The following PHF20L1 variants were observed in gnomAD, a reference collection of about 807,000 sequenced individuals.
The protein encoded by PHF20L1 is PHD finger protein 20-like protein 1.
Under a neutral mutation model 125.5 loss-of-function variants are expected in PHF20L1, and 44 were observed. That is an observed-to-expected ratio of 0.35 (90% CI 0.28 to 0.45). PHF20L1 has a LOEUF of 0.45. Among genes scored for constraint, PHF20L1 ranks in the 20% least tolerant of loss-of-function variants. PHF20L1 has a pLI of 1.00. For missense variants in PHF20L1, 1,012 were observed against 1,217.2 expected, an observed-to-expected ratio of 0.83 and a Z score of 2.51; for synonymous variants, 380 against 403.1, an observed-to-expected ratio of 0.94 and a Z score of 0.69.
intron 12 of PHF20L1, chr8:132,818,442 G>A (rs1238315830): frequency 6.6e-6 from 1 of 151,834 alleles, no homozygotes; most frequent in South Asian, 2.1e-4. Flanking sequence ...TTTGGATGAA[G>A]CATAAAATGA....
At chr8:132,786,804 C>T (rs956449924) in intron 2 of PHF20L1, among the ~76,000 whole-genome samples, 1 of 151,852 alleles carries the variant, frequency 6.6e-6, no homozygotes, top group Non-Finnish European at 1.5e-5. Context: ...TGTTATATGC[C>T]ACATGGTAGG....
chr8:132,805,876 C>T (rs1376079749), intron 8 of PHF20L1, among the ~76,000 whole-genome samples: 1 of 151,940 alleles, frequency 6.6e-6, no homozygotes, highest in Non-Finnish European at 1.5e-5. Flanking sequence ...TACTTGGCCC[C>T]AGGAGAGGAA....
At chr8:132,796,732 C>G (rs1046758990) in intron 4 of PHF20L1, among the ~76,000 whole-genome samples, 3 of 152,004 alleles carry the variant, frequency 2.0e-5, no homozygotes, top group South Asian at 2.1e-4. Flanking sequence ...GCTTACATTC[C>G]CAAGTCTTAT....
intron 12 of PHF20L1, chr8:132,819,062 G>T (rs368620153): frequency 6.6e-5 from 10 of 151,958 alleles, no homozygotes; most frequent in African/African-American, 2.4e-4. Context: ...CGATGATTTT[G>T]CTTCTAACCA....
chr8:132,777,787 T>C lies in PHF20L1; in HGVS notation c.-37-5T>C. The C allele has an allele frequency of 7.7e-7, 1 of 1,298,794 alleles. No homozygotes were observed. Among genetic ancestry groups the C allele is most frequent in the East Asian group, 2.3e-5 (1 of 43,392 alleles). 80.5% of individuals were successfully genotyped at this position (1,298,794 alleles called of 1,614,324 possible). ...TTGGAATCTAACTTTTTTCTTTCTCTTGAGGTAGTGAAAAGAGAATACTGA... is the reference window on the plus strand; with the variant it reads ...TTGGAATCTAACTTTTTTCTTTCTCCTGAGGTAGTGAAAAGAGAATACTGA... On this transcript the variant is annotated splice_region_variant and splice_polypyrimidine_tract_variant and intron_variant, in intron 1 of 20. Coordinates refer to ENST00000395386, the MANE Select transcript of PHF20L1 (RefSeq NM_016018.5).
At chr8:132,782,077 C>T (rs776569970) in intron 2 of PHF20L1, among the ~76,000 whole-genome samples, 19 of 152,136 alleles carry the variant, frequency 1.2e-4, no homozygotes, top group Non-Finnish European at 2.6e-4. Flanking sequence ...ATGTTTTTCA[C>T]CACAAACTCT....
At chr8:132,798,692 A>G in intron 4 of PHF20L1, 80 bp from the exon 5 acceptor site, 1 of 857,942 alleles carries the variant, frequency 1.2e-6, no homozygotes, top group Admixed American at 2.1e-5. Flanking sequence ...TATCTATACA[A>G]GTCACTACTT....
At position 132,814,700 on chromosome 8, in the gene PHF20L1, A is replaced by C. The variant is rs772790428; in HGVS notation, c.994A>C (p.Thr332Pro). 1.9e-6 allele frequency: 3 copies of C among 1,612,082 alleles called. No homozygotes were observed. In the African/African-American group the frequency reaches 4.0e-5, roughly 22 times the overall value. Residue 332 changes from threonine (T) to proline (P), a missense_variant, in exon 10 of 21, where the codon ACT (threonine) becomes CCT (proline). Physicochemically the swap from Thr to Pro is conservative, Grantham distance 38. This residue lies in a region of PHF20L1 where 119 missense variants were observed against 160.2 expected (regional missense o/e 0.74). Coordinates refer to ENST00000395386, the MANE Select transcript of PHF20L1 (RefSeq NM_016018.5). ...NEADISSSANTQKPALLSSTL... is the reference protein window; with the variant it reads ...NEADISSSANPQKPALLSSTL... ...AGCTGACATTAGCAGTTCTGCCAAC[A>C]CTCAGAAACCTGCACTGTTATCCTC...
chr8:132,796,570 C>T (rs1209600367), intron 4 of PHF20L1, among the ~76,000 whole-genome samples: 1 of 152,094 alleles, frequency 6.6e-6, no homozygotes, highest in Non-Finnish European at 1.5e-5. Context: ...GAATTGAAAT[C>T]ATGAATATGG....
At chr8:132,797,616 A>C (rs1485234697) in intron 4 of PHF20L1, among the ~76,000 whole-genome samples, 1 of 151,988 alleles carries the variant, frequency 6.6e-6, no homozygotes, top group East Asian at 1.9e-4. Flanking sequence ...GCATTCTCAA[A>C]ATTTTTCCAT....
rs1832728011 is a variant in PHF20L1, at chr8:132,798,999, A to G, written c.430-96A>G. 3 of 1,210,796 alleles carry G rather than the reference A, an allele frequency of 2.5e-6. No homozygotes were observed. In the African/African-American group the frequency reaches 4.6e-5, roughly 18 times the overall value. 75.0% of individuals were successfully genotyped at this position (1,210,796 alleles called of 1,614,324 possible). On this transcript the variant is annotated intron_variant, in intron 5 of 20. Transcript: ENST00000395386. ...GCTGATAGCCCCAAATAGCAGCAAG[A>G]AAAGGAAGCTTAGACTGTAAAATAA...
intron 14 of PHF20L1, among the ~76,000 whole-genome samples, chr8:132,827,379 A>G (rs552295937): frequency 1.3e-5 from 2 of 152,074 alleles, no homozygotes; most frequent in South Asian, 4.1e-4. Context: ...CTCTGAGGGG[A>G]TTTGCCTAGC....
Position 132,803,545 on chromosome 8 carries a change from T to A in PHF20L1, c.508-274T>A, listed in dbSNP as rs1431271205. ...TATCTGCCATAGGTTTCCTCTGCTA[T>A]TTTAGATTTTATTCCTGTGAAAATA... On this transcript the variant is annotated intron_variant, in intron 6 of 20. Coordinates refer to ENST00000395386, the MANE Select transcript of PHF20L1 (RefSeq NM_016018.5). 8 of 353,382 alleles carry A rather than the reference T, an allele frequency of 2.3e-5. No homozygotes were observed. The East Asian group carries it at 4.5e-4, about 20-fold the overall frequency. The allele number at this position is 353,382 out of a possible 1,614,324, so 21.9% of individuals were successfully genotyped here. A position where few individuals can be genotyped will look rare whatever the true frequency, so the allele number is the denominator to read the frequency against.
chr8:132,790,524 C>T (rs2131405811), intron 2 of PHF20L1, among the ~76,000 whole-genome samples: 1 of 152,280 alleles, frequency 6.6e-6, no homozygotes, highest in East Asian at 1.9e-4. Context: ...AAGTTTCAAC[C>T]AGGCTAACAA....
In PHF20L1 at chr8:132,842,629, A is replaced by G; in HGVS notation, c.2502A>G (p.Glu834=). 4 of 1,613,294 alleles carry G rather than the reference A, an allele frequency of 2.5e-6. No individual in the cohort carries two copies. Among genetic ancestry groups the G allele is most frequent in the Non-Finnish European group, 3.4e-6 (4 of 1,179,602 alleles). Residue 834 remains glutamate, a synonymous_variant, in exon 19 of 21, where the codon GAA becomes GAG. Coordinates refer to ENST00000395386, the MANE Select transcript of PHF20L1 (RefSeq NM_016018.5). ...KKIAQDTVNR[E]EKKYVQNHKE... is the part of the protein sequence containing the mutation. Reference sequence around the variant, plus strand: ...TAGCTCAAGACACAGTTAATCGAGAAGAAAAGAAATATGTACAGAACCATA... The same window carrying G: ...TAGCTCAAGACACAGTTAATCGAGAGGAAAAGAAATATGTACAGAACCATA...
At chr8:132,796,252 C>A (rs939345242) in intron 4 of PHF20L1, among the ~76,000 whole-genome samples, 1 of 151,824 alleles carries the variant, frequency 6.6e-6, no homozygotes, top group Non-Finnish European at 1.5e-5. Flanking sequence ...ATGAAAGATT[C>A]GTTTATAGGT....
intron 15 of PHF20L1, among the ~76,000 whole-genome samples, chr8:132,833,880 A>G (rs1214845250): frequency 1.3e-5 from 2 of 152,156 alleles, no homozygotes; most frequent in African/African-American, 4.8e-5. Context: ...AGCATGTGTC[A>G]GAACTGCCCA....
intron 2 of PHF20L1, among the ~76,000 whole-genome samples, chr8:132,782,013 T>A (rs1375415129): frequency 2.0e-5 from 3 of 152,254 alleles, no homozygotes; most frequent in African/African-American, 7.2e-5. Flanking sequence ...CATAAAGACT[T>A]TGACGTGCTA....
At chr8:132,835,511 C>A (rs1837258804) in intron 15 of PHF20L1, among the ~76,000 whole-genome samples, 1 of 151,998 alleles carries the variant, frequency 6.6e-6, no homozygotes, top group Non-Finnish European at 1.5e-5. Context: ...TTTTCTTTTC[C>A]TCAGTAACCT....
Sources: allele counts gnomAD v4.1 joint callset (sites outside exome capture counted in the v4.1 genomes callset), GRCh38; gene constraint gnomAD v4.1.1; regional missense constraint gnomAD v4.1.1; transcripts MANE v1.5; gene names NCBI Gene and HGNC (gene_info 2026-07-23, HGNC 2026-07-21).